Variants in GNAO1 observed in about 807,000 individuals in gnomAD.
GNAO1 encodes G protein subunit alpha o1.
For missense variants in GNAO1, 166 were observed against 478.7 expected, an observed-to-expected ratio of 0.35 and a Z score of 6.10; for synonymous variants, 164 against 180.7, an observed-to-expected ratio of 0.91 and a Z score of 0.74.
chr16:56,208,907 A>G (rs906576183), intron 2 of GNAO1, among the ~76,000 whole-genome samples: 21 of 151,976 alleles, frequency 1.4e-4, no homozygotes, highest in African/African-American at 4.6e-4. Flanking sequence ...TTCATTGCAA[A>G]TATTACCTCC....
At chr16:56,346,805 G>A (rs117968993) in intron 6 of GNAO1, 1,082 of 985,464 alleles carry the variant, frequency 1.1e-3, no homozygotes, top group Non-Finnish European at 1.2e-3. Context: ...TCTTCTCTGA[G>A]TATTCTTAGG....
chr16:56,247,566 G>T (rs2036760461), intron 2 of GNAO1, among the ~76,000 whole-genome samples: 1 of 125,050 alleles, frequency 8.0e-6, no homozygotes, highest in African/African-American at 2.9e-5. Flanking sequence ...CTTTGAATTT[G>T]TAGGGCCTAG....
At chr16:56,336,682 G>A in intron 5 of GNAO1, 49 bp from the exon 6 acceptor site, 1 of 1,551,584 alleles carries the variant, frequency 6.4e-7, no homozygotes, top group Non-Finnish European at 8.7e-7. Context: ...TCCCCAGGCA[G>A]CCCTCACCTG....
intron 6 of GNAO1, chr16:56,345,809 TC>T: frequency 1.0e-6 from 1 of 985,544 alleles, no homozygotes; most frequent in Non-Finnish European, 1.2e-6. Flanking sequence ...GGCCAGTTGT[TC>T]CGCTTACTCT....
At chr16:56,341,027 G>A (rs200354438) in intron 6 of GNAO1, 26 of 1,573,406 alleles carry the variant, frequency 1.7e-5, no homozygotes, top group South Asian at 3.4e-5. Context: ...CCGAGGGAGC[G>A]GGCCCCGTTC....
In GNAO1 at chr16:56,351,648, C is replaced by A; in HGVS notation, c.877+111C>A. The A allele has an allele frequency of 1.2e-6, 1 of 820,518 alleles. No individual in the cohort carries two copies. The highest frequency in any genetic ancestry group is 2.5e-5 in the East Asian group (1 of 40,020). The allele number at this position is 820,518 out of a possible 1,614,324, so 50.8% of individuals were successfully genotyped here. ...GCTGGGGCTAGCTGGCGAGCGGGAC[C>A]CATTGCAGGAGACTGGTGGGGCGCA... On this transcript the variant is annotated intron_variant, in intron 7 of 8. Coordinates refer to ENST00000262493, the MANE Select transcript of GNAO1 (RefSeq NM_020988.3). This position sits in a 1 kb window ranked among gnomAD's most constrained non-coding sequence, Gnocchi z 6.1.
intron 2 of GNAO1, among the ~76,000 whole-genome samples, chr16:56,200,637 C>G (rs2036274702): frequency 6.6e-6 from 1 of 152,190 alleles, no homozygotes; most frequent in Non-Finnish European, 1.5e-5. Flanking sequence ...AACTCCACAC[C>G]TTTCTTACTA....
chr16:56,344,686 A>G, intron 6 of GNAO1: 1 of 985,496 alleles, frequency 1.0e-6, no homozygotes, highest in Non-Finnish European at 1.2e-6. Context: ...AGGGAGGTGG[A>G]AGCTCCTGTG....
At chr16:56,239,282 G>T (rs1432895894) in intron 2 of GNAO1, among the ~76,000 whole-genome samples, 1 of 152,234 alleles carries the variant, frequency 6.6e-6, no homozygotes, top group Non-Finnish European at 1.5e-5. Flanking sequence ...TTGGCAGCAT[G>T]AAAACCATGC....
At chr16:56,287,230 C>T (rs2037181612) in intron 3 of GNAO1, among the ~76,000 whole-genome samples, 1 of 152,220 alleles carries the variant, frequency 6.6e-6, no homozygotes, top group African/African-American at 2.4e-5. Flanking sequence ...AAGAGGCCTC[C>T]ACTAGAAGTC....
In GNAO1 at chr16:56,351,649, C is replaced by T; in HGVS notation, c.877+112C>T. On this transcript the variant is annotated intron_variant, in intron 7 of 8. Transcript: ENST00000262493. This position sits in a 1 kb window ranked among gnomAD's most constrained non-coding sequence, Gnocchi z 6.1. The stretch of plus-strand genomic sequence containing the variant: ...CTGGGGCTAGCTGGCGAGCGGGACC[C>T]ATTGCAGGAGACTGGTGGGGCGCAA... 2.5e-6 allele frequency: 2 copies of T among 814,518 alleles called. No homozygotes were observed. The highest frequency in any genetic ancestry group is 2.4e-5 in the Admixed American group (1 of 41,988). The allele number at this position is 814,518 out of a possible 1,614,324, so 50.5% of individuals were successfully genotyped here.
intron 6 of GNAO1, among the ~76,000 whole-genome samples, chr16:56,341,979 A>G (rs2037809828): frequency 6.6e-6 from 1 of 152,202 alleles, no homozygotes; most frequent in African/African-American, 2.4e-5. Flanking sequence ...CAAGCAGCAC[A>G]GCTCTCCTAC....
At chr16:56,282,736 A>G (rs1434713678) in intron 3 of GNAO1, among the ~76,000 whole-genome samples, 1 of 152,252 alleles carries the variant, frequency 6.6e-6, no homozygotes, top group Non-Finnish European at 1.5e-5. Flanking sequence ...CCGTAAACCT[A>G]TACATGGAGG....
At chr16:56,206,816 C>T (rs755373261) in intron 2 of GNAO1, among the ~76,000 whole-genome samples, 39 of 152,296 alleles carry the variant, frequency 2.6e-4, no homozygotes, top group African/African-American at 8.7e-4. Flanking sequence ...GAAACAGGGA[C>T]GGTTGCACAG....
intron 3 of GNAO1, among the ~76,000 whole-genome samples, chr16:56,323,427 G>A (rs1278461945): frequency 2.0e-5 from 3 of 152,124 alleles, no homozygotes; most frequent in African/African-American, 7.2e-5. Flanking sequence ...CTTGACCTAG[G>A]CTGTTTTTGG....
intron 3 of GNAO1, among the ~76,000 whole-genome samples, chr16:56,324,867 C>T (rs1197012821): frequency 4.6e-5 from 7 of 152,272 alleles, no homozygotes; most frequent in Non-Finnish European, 7.3e-5. Context: ...GGCACAGCTT[C>T]CAGAACTTTC....
chr16:56,286,810 G>A (rs548301027), intron 3 of GNAO1, among the ~76,000 whole-genome samples: 9 of 152,148 alleles, frequency 5.9e-5, no homozygotes, highest in African/African-American at 2.2e-4. Flanking sequence ...CAAGGGGGCT[G>A]AGGGGTTCCT....
In GNAO1 at chr16:56,192,157, T is replaced by C; in HGVS notation, c.-79T>C. 1.3e-6 allele frequency: 1 copy of C among 788,374 alleles called. No individual in the cohort carries two copies. Among genetic ancestry groups the C allele is most frequent in the Non-Finnish European group, 2.2e-6 (1 of 460,382 alleles). 48.8% of individuals were successfully genotyped at this position (788,374 alleles called of 1,614,324 possible). A position where few individuals can be genotyped will look rare whatever the true frequency, so the allele number is the denominator to read the frequency against. ...CCCCCCTTGAGCCCAGGCTCTGCTC[T>C]CTGGGGGGGTGGGGGGCGCTCCAAG... is the stretch of plus-strand genomic sequence containing the variant. On this transcript the variant is annotated 5_prime_UTR_variant, in exon 1 of 9. Coordinates refer to ENST00000262493, the MANE Select transcript of GNAO1 (RefSeq NM_020988.3).
intron 3 of GNAO1, among the ~76,000 whole-genome samples, chr16:56,312,210 C>T (rs888166145): frequency 5.9e-5 from 9 of 152,190 alleles, no homozygotes; most frequent in African/African-American, 1.7e-4. Context: ...CGGAGTCAGG[C>T]GGCTGGCGTT....
Sources: allele counts gnomAD v4.1 joint callset (sites outside exome capture counted in the v4.1 genomes callset), GRCh38; gene constraint gnomAD v4.1.1; non-coding constraint Gnocchi (gnomAD v3.1); transcripts MANE v1.5; gene names NCBI Gene and HGNC (gene_info 2026-07-23, HGNC 2026-07-21).